DCT: variants seen among roughly 807,000 people sequenced by gnomAD.
DCT encodes the protein L-dopachrome tautomerase.
DCT carries 47 observed loss-of-function variants against 53.0 expected under a neutral mutation model. The observed-to-expected ratio is 0.89, with a 90% confidence interval of 0.70 to 1.13. The LOEUF is 1.13. Ranked by LOEUF, DCT falls within the 50% of genes most tolerant of loss-of-function variation. The pLI is 0.00. For synonymous variants in DCT, 244 were observed against 237.0 expected, an observed-to-expected ratio of 1.03 and a Z score of -0.27; for missense variants, 669 against 637.4, an observed-to-expected ratio of 1.05 and a Z score of -0.53.
the DCT span, among the ~76,000 whole-genome samples, chr13:94,499,285 G>C: frequency 3.3e-5 from 5 of 152,120 alleles, no homozygotes; most frequent in African/African-American, 4.8e-5. Context: ...AAGGTCTGCG[G>C]CTTCATTTTT....
chr13:94,508,263 T>G, the DCT span, among the ~76,000 whole-genome samples: 6 of 152,358 alleles, frequency 3.9e-5, no homozygotes, highest in South Asian at 1.2e-3. Context: ...AATAACACTA[T>G]GAGTTAGGCA....
chr13:94,461,974 T>C (rs781091100), intron 5 of DCT, 36 bp downstream of exon 5: 1 of 1,581,626 alleles, frequency 6.3e-7, no homozygotes. Flanking sequence ...AAACCTGTAC[T>C]GTACAGGCAG....
the DCT span, among the ~76,000 whole-genome samples, chr13:94,508,361 T>C: frequency 5.3e-5 from 8 of 152,366 alleles, no homozygotes; most frequent in South Asian, 1.4e-3. Flanking sequence ...AAGAAAGGTC[T>C]GTGCTGGAGC....
the DCT span, among the ~76,000 whole-genome samples, chr13:94,542,883 A>C: frequency 9.9e-5 from 15 of 152,156 alleles, no homozygotes; most frequent in Non-Finnish European, 1.9e-4. Context: ...GAGAGTACCA[A>C]TGTTGCCAAG....
chr13:94,513,217 A>G, the DCT span, among the ~76,000 whole-genome samples: 22 of 152,216 alleles, frequency 1.4e-4, no homozygotes, highest in Non-Finnish European at 2.2e-4. Context: ...AGATAAAAAT[A>G]AGGAAGTATC....
chr13:94,447,977 G>C (rs1882839300), intron 6 of DCT, among the ~76,000 whole-genome samples: 1 of 152,164 alleles, frequency 6.6e-6, no homozygotes, highest in Non-Finnish European at 1.5e-5. Context: ...GCTGCACACA[G>C]TGGCTCATGC....
intron 6 of DCT, among the ~76,000 whole-genome samples, chr13:94,450,310 G>A (rs1241426397): frequency 1.3e-5 from 2 of 151,916 alleles, no homozygotes; most frequent in African/African-American, 4.8e-5. Flanking sequence ...ACACAACCAC[G>A]GAAGAGAAAA....
At chr13:94,519,101 T>C in the DCT span, among the ~76,000 whole-genome samples, 3 of 152,174 alleles carry the variant, frequency 2.0e-5, no homozygotes, top group Non-Finnish European at 4.4e-5. Flanking sequence ...CATCTTCTCA[T>C]GGAAATCTCT....
intron 4 of DCT, among the ~76,000 whole-genome samples, chr13:94,462,554 A>T (rs1883886439): frequency 2.0e-5 from 3 of 152,254 alleles, no homozygotes; most frequent in Non-Finnish European, 2.9e-5. Context: ...ACTTATGTAC[A>T]GTATTATAAA....
the DCT span, among the ~76,000 whole-genome samples, chr13:94,512,523 T>G: frequency 6.6e-6 from 1 of 152,292 alleles, no homozygotes; most frequent in South Asian, 2.1e-4. Flanking sequence ...TTATGGACAG[T>G]TGAGAAGCCA....
chr13:94,520,410 G>A, the DCT span, among the ~76,000 whole-genome samples: 1 of 152,134 alleles, frequency 6.6e-6, no homozygotes, highest in Non-Finnish European at 1.5e-5. Flanking sequence ...TTGAGAAAGG[G>A]TAATGACAAA....
chr13:94,498,716 C>T, the DCT span, among the ~76,000 whole-genome samples: 5 of 152,278 alleles, frequency 3.3e-5, no homozygotes, highest in African/African-American at 7.2e-5. Flanking sequence ...CTTCCTGGGT[C>T]GAGTGGGGAC....
rs79565487 is a variant in DCT at position 94,457,656 on chromosome 13, C to T, written c.1179+2435G>A. Among the ~76,000 whole-genome samples the T allele has an allele frequency of 7.8e-3, 1,184 of 152,230 alleles. 19 individuals carry two copies. Among genetic ancestry groups the T allele is most frequent in the African/African-American group, 0.026 (1,097 of 41,524 alleles). ...TGGATAACAATATAAACTCAAAATA[C>T]TGGCAAAATAAAAAAGGAGAAGAGG... On this transcript the variant is annotated intron_variant, in intron 6 of 7. Coordinates refer to ENST00000377028, the MANE Select transcript of DCT (RefSeq NM_001922.5).
chr13:94,473,661 T>C (rs763073313), intron 1 of DCT, among the ~76,000 whole-genome samples: 3 of 152,340 alleles, frequency 2.0e-5, no homozygotes, highest in Non-Finnish European at 4.4e-5. Context: ...AAATCAGAGA[T>C]GCTTCACAAC....
chr13:94,478,248 A>G (rs1885232807), intron 1 of DCT, among the ~76,000 whole-genome samples: 1 of 146,160 alleles, frequency 6.8e-6, no homozygotes, highest in Admixed American at 7.2e-5. Context: ...AGCTTTAATG[A>G]GAAACATGCA....
At chr13:94,499,957 A>G in the DCT span, among the ~76,000 whole-genome samples, 1 of 152,222 alleles carries the variant, frequency 6.6e-6, no homozygotes, top group Admixed American at 6.5e-5. Flanking sequence ...ATATGTTGTG[A>G]AATGATAATC....
chr13:94,503,793 T>G, the DCT span, among the ~76,000 whole-genome samples: 1 of 152,214 alleles, frequency 6.6e-6, no homozygotes, highest in Admixed American at 6.5e-5. Context: ...GCCACTCAAT[T>G]TATGGTAATT....
rs1337570781 is a variant in DCT, at chr13:94,438,462, G to A, written c.*1436C>T. On this transcript the variant is annotated 3_prime_UTR_variant, in exon 8 of 8. Coordinates refer to ENST00000377028, the MANE Select transcript of DCT (RefSeq NM_001922.5). The stretch of plus-strand genomic sequence containing the variant: ...TTTTGCATGGGGTAAACTGGTTCTT[G>A]ATGAGTCTTGCACCCTCTAGGACCC... 2 of 334,804 alleles carry A rather than the reference G, an allele frequency of 6.0e-6. No homozygotes were observed. Among genetic ancestry groups the A allele is most frequent in the Non-Finnish European group, 1.2e-5 (2 of 169,188 alleles). 20.7% of individuals were successfully genotyped at this position (334,804 alleles called of 1,614,324 possible).
At chr13:94,518,166 G>GAAGGAAGGAAGGAAGGAAAGAAGA in the DCT span, among the ~76,000 whole-genome samples, 113 of 143,182 alleles carry the variant, frequency 7.9e-4, 5 homozygotes, top group African/African-American at 3.2e-3. Context: ...ATGAAGGAAG[G>GAAGGAAGGAAGGAAGGAAAGAAGA]AAGGAAGAAA....
Sources: allele counts gnomAD v4.1 joint callset (sites outside exome capture counted in the v4.1 genomes callset), GRCh38; gene constraint gnomAD v4.1.1; transcripts MANE v1.5; gene names NCBI Gene and HGNC (gene_info 2026-07-23, HGNC 2026-07-21).